The following CACNA1B variants were observed in gnomAD, a reference collection of about 807,000 sequenced individuals.
CACNA1B encodes the protein voltage-dependent N-type calcium channel subunit alpha-1B.
In CACNA1B, 70 loss-of-function variants were observed where a neutral mutation model predicts 247.2. The ratio of observed to expected loss-of-function variants is 0.28; its 90% CI spans 0.23 to 0.35. The LOEUF (loss-of-function observed/expected upper bound fraction) is 0.35, where lower values mean the gene tolerates loss of function less well. Among genes scored for constraint, CACNA1B ranks in the 10% least tolerant of loss-of-function variants. CACNA1B has a pLI of 1.00. For synonymous variants in CACNA1B, 1,231 were observed against 1,294.4 expected (o/e 0.95, Z 1.05); for missense variants, 2,367 against 3,197.4 (o/e 0.74, Z 6.26).
In CACNA1B at chr9:138,012,962, T is replaced by TG. The variant is rs1041341666; in HGVS notation, c.2161-161dup. Among the ~76,000 whole-genome samples the TG allele has an allele frequency of 5.3e-5, 8 of 152,002 alleles. No homozygotes were observed. Among genetic ancestry groups the TG allele is most frequent in the Non-Finnish European group, 1.0e-4 (7 of 68,010 alleles). On this transcript the variant is annotated intron_variant, in intron 17 of 46. Coordinates refer to ENST00000371372, the MANE Select transcript of CACNA1B (RefSeq NM_000718.4). The surrounding 1 kb of genome is among the most constrained non-coding windows in gnomAD (Gnocchi z 4.2). ...GAGACAGCTCCTGTGGAACAGGTCG[T>TG]GGGGGGCCACATTCACTCAGGGGTT...
intron 6 of CACNA1B, among the ~76,000 whole-genome samples, chr9:137,923,277 A>G (rs563168201): frequency 0.09 from 4,836 of 53,656 alleles, 246 homozygotes; most frequent in African/African-American, 0.25. Flanking sequence ...GTGGTATTCC[A>G]TGGTGCCAGG....
Position 137,950,145 on chromosome 9 carries a change from C to T in CACNA1B, c.967-2129C>T, listed in dbSNP as rs1007268440. Among the ~76,000 whole-genome samples the T allele has an allele frequency of 3.9e-5, 6 of 152,150 alleles. No individual in the cohort carries two copies. Among genetic ancestry groups the T allele is most frequent in the African/African-American group, 7.2e-5 (3 of 41,422 alleles). On this transcript the variant is annotated intron_variant, in intron 6 of 46. Coordinates refer to ENST00000371372, the MANE Select transcript of CACNA1B (RefSeq NM_000718.4). This position sits in a 1 kb window ranked among gnomAD's most constrained non-coding sequence, Gnocchi z 4.8. ...CTTGGCATCTGTTGACTTATGGTAG[C>T]GTGTTCTCCTTACTGCTGGGCGGGG...
chr9:137,893,797 G>A (rs955887004), intron 3 of CACNA1B, among the ~76,000 whole-genome samples: 34 of 152,226 alleles, frequency 2.2e-4, no homozygotes, highest in Non-Finnish European at 1.9e-4. Flanking sequence ...AAACCTCTTA[G>A]GAAACTGTAA....
chr9:138,096,418 TG>T, intron 36 of CACNA1B, 65 bp from the exon 37 acceptor site: 7 of 1,373,472 alleles, frequency 5.1e-6, no homozygotes, highest in South Asian at 1.2e-5. Flanking sequence ...TGGAGAGTGG[TG>T]GGGGGCGGCG....
chr9:137,927,510 T>C (rs1957564895), intron 6 of CACNA1B, among the ~76,000 whole-genome samples: 1 of 152,234 alleles, frequency 6.6e-6, no homozygotes, highest in Non-Finnish European at 1.5e-5. Flanking sequence ...TACCATAAAA[T>C]GGTCTTGACG....
intron 6 of CACNA1B, among the ~76,000 whole-genome samples, chr9:137,942,968 AT>A (rs61569841): frequency 1.9e-4 from 28 of 150,944 alleles, no homozygotes; most frequent in Non-Finnish European, 2.8e-4. Context: ...ATGGAAATAA[AT>A]TTTTTTTTAA....
At chr9:137,936,088 A>C (rs1589017907) in intron 6 of CACNA1B, among the ~76,000 whole-genome samples, 1 of 152,082 alleles carries the variant, frequency 6.6e-6, no homozygotes, top group Non-Finnish European at 1.5e-5. Context: ...TGATCTCCTG[A>C]CCTTGTGATC....
At chr9:138,101,803 CT>C (rs1390892447) in intron 37 of CACNA1B, among the ~76,000 whole-genome samples, 1 of 152,258 alleles carries the variant, frequency 6.6e-6, no homozygotes, top group African/African-American at 2.4e-5. Flanking sequence ...AGGCTGTCCC[CT>C]TTCTCTCCTG....
chr9:137,906,946 T>C (rs1957306641), intron 3 of CACNA1B, among the ~76,000 whole-genome samples: 1 of 152,242 alleles, frequency 6.6e-6, no homozygotes, highest in Admixed American at 6.5e-5. Context: ...AACTAAAATA[T>C]TACAGATGTG....
Position 137,990,561 on chromosome 9 carries a change from A to G in CACNA1B, c.1974+3707A>G, listed in dbSNP as rs767116557. Reference sequence around the variant, plus strand: ...CAACCAATATAAAACCAGCACACTTAACAAAAATACAGCCGAGGACCCTCA... The same window carrying G: ...CAACCAATATAAAACCAGCACACTTGACAAAAATACAGCCGAGGACCCTCA... On this transcript the variant is annotated intron_variant, in intron 15 of 46. Coordinates refer to ENST00000371372, the MANE Select transcript of CACNA1B (RefSeq NM_000718.4). This position sits in a 1 kb window ranked among gnomAD's most constrained non-coding sequence, Gnocchi z 4.5. Among the ~76,000 whole-genome samples, 13 of 152,100 alleles carry G rather than the reference A, an allele frequency of 8.5e-5. No individual in the cohort carries two copies. The highest frequency in any genetic ancestry group is 1.5e-4 in the Non-Finnish European group (10 of 68,028).
intron 32 of CACNA1B, among the ~76,000 whole-genome samples, chr9:138,071,380 C>T (rs1960127179): frequency 1.3e-5 from 2 of 152,216 alleles, no homozygotes; most frequent in Admixed American, 1.3e-4. Flanking sequence ...GTGTCTGCCT[C>T]CGAGGGGCTG....
chr9:137,913,848 A>G lies in CACNA1B; in HGVS notation c.622+577A>G, dbSNP rs1406007268. Among the ~76,000 whole-genome samples the G allele has an allele frequency of 1.3e-5, 2 of 152,148 alleles. No individual in the cohort carries two copies. The highest frequency in any genetic ancestry group is 2.9e-5 in the Non-Finnish European group (2 of 68,024). ...GGTTTACCTAAGGGCCTGAGTGGAC[A>G]TGGAACTAGAGCTGTGTCCTCCTGA... On this transcript the variant is annotated intron_variant, in intron 4 of 46. Transcript: ENST00000371372. The surrounding 1 kb of genome is among the most constrained non-coding windows in gnomAD (Gnocchi z 5.2).
At position 137,899,522 on chromosome 9, in the gene CACNA1B, CTCT is replaced by C. The variant is rs1304685266; in HGVS notation, c.531-13651_531-13649del. Among the ~76,000 whole-genome samples the C allele has an allele frequency of 6.6e-6, 1 of 152,208 alleles. No homozygotes were observed. The highest frequency in any genetic ancestry group is 1.5e-5 in the Non-Finnish European group (1 of 68,036). ...GGGGTTCCCCGCATGCCATGCCTAG[CTCT>C]TCTTCTCCCCTGTCCTTGCTTTGGA... On this transcript the variant is annotated intron_variant, in intron 3 of 46. Transcript: ENST00000371372. This position sits in a 1 kb window ranked among gnomAD's most constrained non-coding sequence, Gnocchi z 5.0.
In CACNA1B at chr9:138,078,213, T is replaced by C. The variant is rs959248338; in HGVS notation, c.5049T>C (p.Phe1683=). The C allele has an allele frequency of 6.2e-7, 1 of 1,613,952 alleles. No homozygotes were observed. Among genetic ancestry groups the C allele is most frequent in the Non-Finnish European group, 8.5e-7 (1 of 1,179,846 alleles). ...ATGCCACCGAGTGTGGAAGTGACTT[T>C]GCCTACTTCTACTTCGTCTCCTTCA... The part of the protein sequence containing the change: ...QANATECGSD[F]AYFYFVSFIF... Residue 1683 remains phenylalanine (F), a synonymous_variant, in exon 36 of 47, where the codon TTT becomes TTC. Transcript: ENST00000371372.
intron 12 of CACNA1B, among the ~76,000 whole-genome samples, chr9:137,980,721 G>A (rs1041111008): frequency 7.2e-5 from 11 of 152,100 alleles, no homozygotes; most frequent in East Asian, 1.9e-4. Flanking sequence ...GTGTCCATGT[G>A]TATCCTTGTT....
chr9:138,012,006 A>C lies in CACNA1B; in HGVS notation c.2161-1123A>C, dbSNP rs776237694. Among the ~76,000 whole-genome samples the C allele has an allele frequency of 1.2e-4, 19 of 152,202 alleles. No homozygotes were observed. The highest frequency in any genetic ancestry group is 2.6e-4 in the Non-Finnish European group (18 of 68,036). On this transcript the variant is annotated intron_variant, in intron 17 of 46. Transcript: ENST00000371372. The surrounding 1 kb of genome is among the most constrained non-coding windows in gnomAD (Gnocchi z 4.2). ...GCCGAGAACTATTGATCCGGAACCCAGGTGCCGAGCATGTTGGTCTTGTTT... is the reference window on the plus strand; with the variant it reads ...GCCGAGAACTATTGATCCGGAACCCCGGTGCCGAGCATGTTGGTCTTGTTT...
rs1958358388 is a variant in CACNA1B at position 137,986,103 on chromosome 9, T to G, written c.1770-310T>G. On this transcript the variant is annotated intron_variant, in intron 13 of 46. Coordinates refer to ENST00000371372, the MANE Select transcript of CACNA1B (RefSeq NM_000718.4). This position sits in a 1 kb window ranked among gnomAD's most constrained non-coding sequence, Gnocchi z 6.0. ...GTGAGGGGCAGGGAGGGGCCGAGGA[T>G]GAAGTTTGGGATTGGGCCTGGCCAC... Among the ~76,000 whole-genome samples, 1 of 152,020 alleles carries G rather than the reference T, an allele frequency of 6.6e-6. No homozygotes were observed. The highest frequency in any genetic ancestry group is 2.1e-4 in the South Asian group (1 of 4,826).
intron 10 of CACNA1B, among the ~76,000 whole-genome samples, chr9:137,968,646 G>C (rs904729221): frequency 5.3e-5 from 8 of 152,252 alleles, no homozygotes; most frequent in African/African-American, 1.7e-4. Flanking sequence ...ATTGAGAACA[G>C]GGATGGATGT....
At chr9:137,918,340 G>T (rs1406932179) in intron 6 of CACNA1B, among the ~76,000 whole-genome samples, 4 of 152,134 alleles carry the variant, frequency 2.6e-5, no homozygotes, top group Non-Finnish European at 5.9e-5. Context: ...CTCTGCTGCT[G>T]TCTGTCCCCT....
Sources: allele counts gnomAD v4.1 joint callset (sites outside exome capture counted in the v4.1 genomes callset), GRCh38; gene constraint gnomAD v4.1.1; non-coding constraint Gnocchi (gnomAD v3.1); transcripts MANE v1.5; gene names NCBI Gene and HGNC (gene_info 2026-07-23, HGNC 2026-07-21).